NRXN3: variants seen among roughly 807,000 people sequenced by gnomAD.
NRXN3 encodes the protein neurexin III.
A neutral mutation model predicts 137.6 loss-of-function variants in NRXN3; 32 were observed. That is an observed-to-expected ratio of 0.23 (90% confidence interval 0.18 to 0.31). NRXN3 has a LOEUF of 0.31. Among genes scored for constraint, NRXN3 ranks in the 10% least tolerant of loss-of-function variants. The probability of loss-of-function intolerance (pLI) is 1.00; values close to 1 mark genes in which losing one functional copy is unlikely to be tolerated. For synonymous variants in NRXN3, 798 were observed against 784.5 expected, an observed-to-expected ratio of 1.02 and a Z score of -0.29; for missense variants, 1,574 against 2,062.5, an observed-to-expected ratio of 0.76 and a Z score of 4.59.
chr14:79,663,761 G>C lies in NRXN3; in HGVS notation c.3445-17G>C, dbSNP rs759027162. 3.7e-6 allele frequency: 6 copies of C among 1,608,986 alleles called. No individual in the cohort carries two copies. Among genetic ancestry groups the C allele is most frequent in the African/African-American group, 1.3e-5 (1 of 74,728 alleles). ...GTGGTTGGTGATAACTATGCCTTTT[G>C]TGTTTCTTTATTATAGGAACAGGGG... On this transcript the variant is annotated splice_polypyrimidine_tract_variant and intron_variant, in intron 16 of 20. Coordinates refer to ENST00000335750, the MANE Select transcript of NRXN3 (RefSeq NM_001330195.2).
At chr14:79,184,626 G>T (rs962727155) in intron 15 of NRXN3, among the ~76,000 whole-genome samples, 2 of 152,210 alleles carry the variant, frequency 1.3e-5, no homozygotes, top group Non-Finnish European at 2.9e-5. Context: ...AAGGCGACCT[G>T]AATAATGAAG....
intron 15 of NRXN3, among the ~76,000 whole-genome samples, chr14:79,443,484 G>A (rs1358968183): frequency 3.3e-5 from 5 of 152,174 alleles, no homozygotes; most frequent in Admixed American, 2.6e-4. Context: ...TAAAGAAAGT[G>A]ATACTTGTAC....
Position 78,662,255 on chromosome 14 carries a change from A to T in NRXN3, c.1221+10929A>T, listed in dbSNP as rs146085826. Among the ~76,000 whole-genome samples the T allele has an allele frequency of 1.7e-4, 26 of 152,134 alleles. No individual in the cohort carries two copies. The East Asian group carries it at 4.8e-3, about 28-fold the overall frequency. ...CTGTAAAAAAAAAAATACCCAAAAA[A>T]CTAAGGCATTCAAGATCCTAACAAC... On this transcript the variant is annotated intron_variant, in intron 6 of 20. Transcript: ENST00000335750.
rs990727418 is a variant in NRXN3, at chr14:78,859,198, C to T, written c.2275+48854C>T. Among the ~76,000 whole-genome samples the T allele has an allele frequency of 2.3e-4, 35 of 152,074 alleles. 1 individual carries two copies. Among genetic ancestry groups the T allele is most frequent in the Admixed American group, 2.3e-3 (35 of 15,250 alleles). Reference sequence around the variant, plus strand: ...GAATAAGGTGCCTGCTTCTCTTTTGCCTTCCACCATGATTGTAAGTTTCCT... The same window carrying T: ...GAATAAGGTGCCTGCTTCTCTTTTGTCTTCCACCATGATTGTAAGTTTCCT... On this transcript the variant is annotated intron_variant, in intron 10 of 20. Coordinates refer to ENST00000335750, the MANE Select transcript of NRXN3 (RefSeq NM_001330195.2).
chr14:78,646,376 C>T (rs1349799269), intron 5 of NRXN3, among the ~76,000 whole-genome samples: 1 of 152,100 alleles, frequency 6.6e-6, no homozygotes, highest in African/African-American at 2.4e-5. Context: ...TTTCTATTTG[C>T]GAATCTGTTG....
At chr14:79,283,728 C>T (rs893900242) in intron 15 of NRXN3, among the ~76,000 whole-genome samples, 4 of 151,628 alleles carry the variant, frequency 2.6e-5, no homozygotes, top group South Asian at 4.2e-4. Flanking sequence ...TGTTAGAGTC[C>T]TCACCCCACT....
At position 79,867,604 on chromosome 14, in the gene NRXN3, T is replaced by C. The variant is rs1187559900; in HGVS notation, c.*5640T>C. 1 of 152,174 alleles carries C rather than the reference T, an allele frequency of 6.6e-6. No individual in the cohort carries two copies. The highest frequency in any genetic ancestry group is 1.5e-5 in the Non-Finnish European group (1 of 68,050). 9.4% of individuals were successfully genotyped at this position (152,174 alleles called of 1,614,324 possible). A position where few individuals can be genotyped will look rare whatever the true frequency, so the allele number is the denominator to read the frequency against. ...AAGACACTACCTCCCAATACAGTCA[T>C]GTTTGGGGTTGGGACTTCAACATAT... On this transcript the variant is annotated 3_prime_UTR_variant, in exon 21 of 21. Transcript: ENST00000335750.
intron 4 of NRXN3, among the ~76,000 whole-genome samples, chr14:78,620,723 T>C (rs898068892): frequency 1.5e-4 from 23 of 152,238 alleles, no homozygotes; most frequent in Non-Finnish European, 2.9e-4. Context: ...TAGGCTCTGA[T>C]CTGGCATGCT....
intron 15 of NRXN3, among the ~76,000 whole-genome samples, chr14:79,139,467 T>C (rs1026522143): frequency 2.6e-5 from 4 of 152,168 alleles, no homozygotes; most frequent in African/African-American, 9.6e-5. Flanking sequence ...CACTTATAAA[T>C]ATTAAATTAA....
chr14:79,188,388 C>A (rs929524690), intron 15 of NRXN3, among the ~76,000 whole-genome samples: 1 of 109,416 alleles, frequency 9.1e-6, no homozygotes, highest in African/African-American at 3.0e-5. Context: ...TTGGCTTGTA[C>A]AATACATATT....
At chr14:78,323,334 A>G (rs192291123) in intron 4 of NRXN3, among the ~76,000 whole-genome samples, 4 of 152,026 alleles carry the variant, frequency 2.6e-5, no homozygotes, top group East Asian at 1.9e-4. Context: ...CCTAAAATCA[A>G]AGTGCCCTGT....
chr14:78,701,421 G>A (rs1281426797), intron 6 of NRXN3, among the ~76,000 whole-genome samples: 4 of 152,166 alleles, frequency 2.6e-5, no homozygotes, highest in African/African-American at 9.7e-5. Context: ...CATGAGGGCA[G>A]AAAAACTGAC....
chr14:79,700,075 A>G (rs2098749336), intron 19 of NRXN3, among the ~76,000 whole-genome samples: 1 of 152,048 alleles, frequency 6.6e-6, no homozygotes, highest in African/African-American at 2.4e-5. Context: ...AAAACTTAAA[A>G]GCCTCATCTT....
At chr14:79,231,878 T>G (rs1419412448) in intron 15 of NRXN3, among the ~76,000 whole-genome samples, 1 of 152,128 alleles carries the variant, frequency 6.6e-6, no homozygotes, top group Non-Finnish European at 1.5e-5. Flanking sequence ...AATGTTAAAC[T>G]GGTGATGGTA....
At chr14:79,249,019 G>A (rs2075589675) in intron 15 of NRXN3, 1 of 152,158 alleles carries the variant, frequency 6.6e-6, no homozygotes, top group Non-Finnish European at 1.5e-5. Context: ...CCTGGTGGGA[G>A]ACAGTTTTGT....
intron 4 of NRXN3, among the ~76,000 whole-genome samples, chr14:78,341,496 C>T (rs1305405573): frequency 6.6e-6 from 1 of 152,068 alleles, no homozygotes; most frequent in Non-Finnish European, 1.5e-5. Context: ...GGAAAGCAGC[C>T]ATAGACAATA....
At chr14:79,157,179 C>G (rs2060327430) in intron 15 of NRXN3, among the ~76,000 whole-genome samples, 1 of 151,720 alleles carries the variant, frequency 6.6e-6, no homozygotes, top group Non-Finnish European at 1.5e-5. Context: ...CCCTTTGGGT[C>G]TTAATAAAAC....
At chr14:78,812,535 A>T (rs539779253) in intron 10 of NRXN3, among the ~76,000 whole-genome samples, 1 of 152,310 alleles carries the variant, frequency 6.6e-6, no homozygotes, top group East Asian at 1.9e-4. Flanking sequence ...ACACTTTCTC[A>T]TGAAGTCAAT....
intron 15 of NRXN3, among the ~76,000 whole-genome samples, chr14:79,180,006 A>G (rs1338443468): frequency 1.3e-5 from 2 of 152,154 alleles, no homozygotes; most frequent in Admixed American, 6.5e-5. Flanking sequence ...AAATAGTACA[A>G]TCCATGTTTG....
Sources: gnomAD v4.1 joint callset for allele counts (sites outside exome capture counted in the v4.1 genomes callset) on GRCh38, gnomAD v4.1.1 for gene constraint, MANE v1.5 for transcripts, NCBI Gene and HGNC (gene_info 2026-07-23, HGNC 2026-07-21) for gene names.